PPP2R5C: variants seen among roughly 807,000 people sequenced by gnomAD.
PPP2R5C encodes protein phosphatase 2 regulatory subunit B'gamma.
A neutral mutation model predicts 68.9 loss-of-function variants in PPP2R5C; 7 were observed. The observed-to-expected ratio is 0.10, with a 90% CI of 0.06 to 0.19. The LOEUF is 0.19. PPP2R5C is among the 10% of genes least tolerant of loss of function. PPP2R5C has a pLI of 1.00. For synonymous variants in PPP2R5C, 210 were observed against 222.2 expected, an observed-to-expected ratio of 0.95 and a Z score of 0.49; for missense variants, 348 against 641.3, an observed-to-expected ratio of 0.54 and a Z score of 4.94.
At chr14:101,922,594 G>C (rs2141208922) in intron 13 of PPP2R5C, among the ~76,000 whole-genome samples, 1 of 151,722 alleles carries the variant, frequency 6.6e-6, no homozygotes, top group South Asian at 2.1e-4. Flanking sequence ...CAGGAGAATT[G>C]CTCGAAGCCA....
exon 14 of PPP2R5C, chr14:101,925,440 A>G (rs2047248862): frequency 1.7e-6 from 2 of 1,208,152 alleles, no homozygotes; most frequent in Non-Finnish European, 2.2e-6. Context: ...AGTTCAAACA[A>G]TGGTGACTTC....
At chr14:101,925,053 C>T (rs963009153) in intron 13 of PPP2R5C, 88 bp from the exon 16 acceptor site, 3 of 1,482,356 alleles carry the variant, frequency 2.0e-6, no homozygotes, top group Non-Finnish European at 2.8e-6. Flanking sequence ...ACGTGCCTCG[C>T]GGTTATCCTT....
chr14:101,903,529 G>T (rs898494775), intron 9 of PPP2R5C, among the ~76,000 whole-genome samples: 1 of 152,196 alleles, frequency 6.6e-6, no homozygotes, highest in Admixed American at 6.5e-5. Flanking sequence ...TCAGCTGCAG[G>T]CCCAGCCCCC....
chr14:101,837,233 C>G (rs531008492), intron 1 of PPP2R5C, among the ~76,000 whole-genome samples: 44 of 152,130 alleles, frequency 2.9e-4, no homozygotes, highest in Middle Eastern at 6.8e-3. Context: ...AACCTCCGCC[C>G]CTTGGGTTCA....
intron 5 of PPP2R5C, 45 bp from the exon 8 acceptor site, chr14:101,890,191 AG>A: frequency 6.6e-7 from 1 of 1,513,640 alleles, no homozygotes; most frequent in South Asian, 1.1e-5. Flanking sequence ...TTTCTTATTC[AG>A]GTTAGTTCAG....
chr14:101,918,380 C>CCT (rs1307174302), intron 13 of PPP2R5C, among the ~76,000 whole-genome samples: 2 of 132,536 alleles, frequency 1.5e-5, no homozygotes, highest in African/African-American at 2.9e-5. Context: ...GCCCCTCCCC[C>CCT]TGTCCCCTCA....
chr14:101,836,436 T>C, intron 1 of PPP2R5C: 1 of 695,488 alleles, frequency 1.4e-6, no homozygotes, highest in East Asian at 2.7e-5. Flanking sequence ...CACACTGTCG[T>C]AGCTGGTTTT....
chr14:101,891,552 G>A lies in PPP2R5C; in HGVS notation c.689+1256G>A, dbSNP rs1028943524. Among the ~76,000 whole-genome samples, 7 of 152,218 alleles carry A rather than the reference G, an allele frequency of 4.6e-5. No homozygotes were observed. The South Asian group carries it at 6.2e-4, about 14-fold the overall frequency. The stretch of plus-strand genomic sequence containing the variant: ...TCCCTCCTAGGTTGTTGCAGGGACC[G>A]GAGCGCTGTATGACATGTGTTCCAC... On this transcript the variant is annotated intron_variant, in intron 6 of 13. Coordinates refer to ENST00000334743, the Ensembl canonical transcript of PPP2R5C. This position sits in a 1 kb window ranked among gnomAD's most constrained non-coding sequence, Gnocchi z 4.9.
At chr14:101,842,240 A>G (rs965966703) in intron 1 of PPP2R5C, among the ~76,000 whole-genome samples, 3 of 152,232 alleles carry the variant, frequency 2.0e-5, no homozygotes, top group Non-Finnish European at 4.4e-5. Context: ...ATAACCGGCC[A>G]GCCATATTAC....
intron 1 of PPP2R5C, among the ~76,000 whole-genome samples, chr14:101,845,931 C>A (rs984126822): frequency 6.6e-6 from 1 of 152,150 alleles, no homozygotes; most frequent in South Asian, 2.1e-4. Context: ...GCAGACCAGC[C>A]CCACGTTACC....
chr14:101,789,491 C>G (rs61994021), intron 3 of PPP2R5C, among the ~76,000 whole-genome samples: 2 of 152,140 alleles, frequency 1.3e-5, no homozygotes, highest in Non-Finnish European at 2.9e-5. Context: ...TAAGATGTTA[C>G]TATTATAATT....
rs552815351 is a variant in PPP2R5C at position 101,864,850 on chromosome 14, C to T, written c.294+7965C>T. Among the ~76,000 whole-genome samples, 118 of 152,210 alleles carry T rather than the reference C, an allele frequency of 7.8e-4. 1 individual carries two copies. Among genetic ancestry groups the T allele is most frequent in the African/African-American group, 2.8e-3 (116 of 41,518 alleles). On this transcript the variant is annotated intron_variant, in intron 2 of 13. Transcript: ENST00000334743. ...GTTGGGTGGGAGAGCTGGGACCACC[C>T]CGTTTGCTCCGGCTGCAGTGTGAAG...
chr14:101,809,215 A>G (rs1018357652), upstream of PPP2R5C, among the ~76,000 whole-genome samples: 2 of 152,116 alleles, frequency 1.3e-5, no homozygotes, highest in African/African-American at 4.8e-5. Context: ...CGAATTTATA[A>G]AGCGGCTTTC....
At chr14:101,883,116 G>A in intron 3 of PPP2R5C, 141 bp from the exon 6 acceptor site, 1 of 618,754 alleles carries the variant, frequency 1.6e-6, no homozygotes, top group South Asian at 2.1e-5. Context: ...ATTAAGCCAT[G>A]TAATTTAGCA....
intron 1 of PPP2R5C, among the ~76,000 whole-genome samples, chr14:101,838,378 G>A (rs950095167): frequency 6.6e-6 from 1 of 152,210 alleles, no homozygotes; most frequent in Non-Finnish European, 1.5e-5. Flanking sequence ...TTCCTGATTT[G>A]TAGTTTGTTT....
At chr14:101,768,147 A>C (rs939169488) in intron 2 of PPP2R5C, among the ~76,000 whole-genome samples, 5 of 152,224 alleles carry the variant, frequency 3.3e-5, no homozygotes, top group African/African-American at 1.2e-4. Context: ...GACAACCAAA[A>C]TGCATCCAGA....
At chr14:101,761,883 C>G (rs1406285044), upstream of PPP2R5C, 2 of 1,148,104 alleles carry the variant, frequency 1.7e-6, no homozygotes, top group South Asian at 4.2e-5. Context: ...CGGCGGCGGC[C>G]CGCTCCAGCC....
chr14:101,810,737 A>G (rs1361208711), intron 1 of PPP2R5C, among the ~76,000 whole-genome samples: 1 of 152,182 alleles, frequency 6.6e-6, no homozygotes, highest in Admixed American at 6.5e-5. Flanking sequence ...TATAGAGATC[A>G]CTGTTTTAAT....
rs60017998 is a variant in PPP2R5C, at chr14:101,922,656, G to GA, written c.1444-2471dup. On this transcript the variant is annotated intron_variant, in intron 13 of 13. Coordinates refer to ENST00000334743, the Ensembl canonical transcript of PPP2R5C. ...CAGCAAGACCTCATCTCTAGAAAAA[G>GA]AAAAAAAAAAAAAATAGCCAGGCAT... Among the ~76,000 whole-genome samples the GA allele has an allele frequency of 2.3e-3, 290 of 128,830 alleles. 2 individuals are homozygous for GA. Among genetic ancestry groups the GA allele is most frequent in the Middle Eastern group, 8.5e-3 (2 of 234 alleles). The allele number at this position is 128,830 out of a possible 152,430, so 84.5% of individuals were successfully genotyped here. A position where few individuals can be genotyped will look rare whatever the true frequency, so the allele number is the denominator to read the frequency against.
Sources: gnomAD v4.1 joint callset for allele counts (sites outside exome capture counted in the v4.1 genomes callset) on GRCh38, gnomAD v4.1.1 for gene constraint, Gnocchi (gnomAD v3.1) non-coding constraint, MANE v1.5 for transcripts, NCBI Gene and HGNC (gene_info 2026-07-23, HGNC 2026-07-21) for gene names.